Variants in CDK5RAP2 observed in about 807,000 individuals in gnomAD.
CDK5RAP2 encodes the protein CDK5 regulatory subunit-associated protein 2.
A neutral mutation model predicts 232.9 loss-of-function variants in CDK5RAP2; 147 were observed. The ratio of observed to expected loss-of-function variants is 0.63; its 90% CI spans 0.55 to 0.72. The LOEUF is 0.72. Among genes scored for constraint, CDK5RAP2 ranks in the 30% least tolerant of loss-of-function variants. The probability of loss-of-function intolerance (pLI) is 0.00; values close to 1 mark genes in which losing one functional copy is unlikely to be tolerated. For synonymous variants in CDK5RAP2, 833 were observed against 833.7 expected, an observed-to-expected ratio of 1.00 and a Z score of 0.01; for missense variants, 2,195 against 2,231.5, an observed-to-expected ratio of 0.98 and a Z score of 0.33.
intron 18 of CDK5RAP2, among the ~76,000 whole-genome samples, chr9:120,461,589 C>T (rs1327104829): frequency 6.6e-6 from 1 of 152,174 alleles, no homozygotes. Context: ...ACCTGTAATC[C>T]TAGCACTTTG....
chr9:120,465,874 A>G (rs1281633741), intron 18 of CDK5RAP2, among the ~76,000 whole-genome samples: 2 of 152,220 alleles, frequency 1.3e-5, no homozygotes, highest in Non-Finnish European at 2.9e-5. Context: ...CATAATGGCA[A>G]TTAGCAAGAA....
At chr9:120,448,233 C>T in intron 21 of CDK5RAP2, 107 bp from the exon 22 acceptor site, 1 of 939,550 alleles carries the variant, frequency 1.1e-6, no homozygotes, top group South Asian at 1.4e-5. Context: ...GAACTGGCTG[C>T]CCAGACTTCT....
At chr9:120,528,669 G>A in intron 9 of CDK5RAP2, 75 bp downstream of exon 9, 1 of 894,218 alleles carries the variant, frequency 1.1e-6, no homozygotes, top group Admixed American at 1.8e-5. Context: ...AGAATTATCT[G>A]CTGCACTCAG....
Position 120,550,788 on chromosome 9 carries a change from TCA to T in CDK5RAP2, c.306+2_306+3del. Reference sequence around the variant, plus strand: ...GGGACAGTAATGAGAAATGGGCCACTCACAGTTTTGTAGATATGTTCAGTGGG... The same window carrying T: ...GGGACAGTAATGAGAAATGGGCCACTCAGTTTTGTAGATATGTTCAGTGGG... On this transcript the variant is annotated splice_donor_variant and splice_donor_region_variant and intron_variant, in intron 4 of 37. Transcript: ENST00000349780. LOFTEE classifies it high-confidence loss of function. 4 of 1,529,904 alleles carry T rather than the reference TCA, an allele frequency of 2.6e-6. No homozygotes were observed. Among genetic ancestry groups the T allele is most frequent in the Non-Finnish European group, 3.6e-6 (4 of 1,103,006 alleles). The allele number at this position is 1,529,904 out of a possible 1,614,324, so 94.8% of individuals were successfully genotyped here.
intron 4 of CDK5RAP2, among the ~76,000 whole-genome samples, chr9:120,549,423 A>T (rs1316473230): frequency 6.6e-6 from 1 of 152,224 alleles, no homozygotes; most frequent in Non-Finnish European, 1.5e-5. Flanking sequence ...GCACCTATCC[A>T]AAAACTTACA....
intron 21 of CDK5RAP2, among the ~76,000 whole-genome samples, chr9:120,451,951 G>A (rs1323965976): frequency 6.7e-6 from 1 of 149,434 alleles, no homozygotes; most frequent in South Asian, 2.1e-4. Flanking sequence ...AAACAAATAC[G>A]GTTTCCTTCC....
chr9:120,407,442 C>T, intron 31 of CDK5RAP2, 194 bp from the exon 32 acceptor site: 1 of 605,302 alleles, frequency 1.7e-6, no homozygotes, highest in Non-Finnish European at 3.0e-6. Flanking sequence ...ATTCCACACG[C>T]TAAATAAGAG....
intron 8 of CDK5RAP2, among the ~76,000 whole-genome samples, chr9:120,529,302 A>G (rs1426322487): frequency 1.3e-5 from 2 of 152,234 alleles, no homozygotes; most frequent in Admixed American, 1.3e-4. Flanking sequence ...ACTAAGACCT[A>G]CCTGCACTTC....
chr9:120,549,731 A>C (rs2041982388), intron 4 of CDK5RAP2, among the ~76,000 whole-genome samples: 1 of 152,358 alleles, frequency 6.6e-6, no homozygotes. Flanking sequence ...TTCTAGACGC[A>C]TGACCACCAT....
chr9:120,493,796 C>A (rs1171690783), intron 12 of CDK5RAP2, among the ~76,000 whole-genome samples: 1 of 152,210 alleles, frequency 6.6e-6, no homozygotes, highest in African/African-American at 2.4e-5. Flanking sequence ...GAGGGAGAAC[C>A]TGCTTACTTA....
chr9:120,437,572 G>T, intron 24 of CDK5RAP2, 45 bp from the exon 25 acceptor site: 1 of 1,417,046 alleles, frequency 7.1e-7, no homozygotes, highest in South Asian at 1.1e-5. Flanking sequence ...TTTTAGAATT[G>T]AATTTTTGTG....
At chr9:120,488,506 C>T (rs1307342563) in intron 13 of CDK5RAP2, among the ~76,000 whole-genome samples, 1 of 152,206 alleles carries the variant, frequency 6.6e-6, no homozygotes, top group East Asian at 1.9e-4. Flanking sequence ...TCAAATCCCA[C>T]TCCCAGAGAA....
intron 12 of CDK5RAP2, chr9:120,517,963 C>T: frequency 4.6e-6 from 1 of 216,958 alleles, no homozygotes; most frequent in Non-Finnish European, 9.6e-6. Context: ...AGTCATAAGG[C>T]AAAAAAAAAG....
At position 120,448,046 on chromosome 9, in the gene CDK5RAP2, C is replaced by T; in HGVS notation, c.2874G>A (p.Gln958=). ...GGCTCTGCAGCTGCGTCACCACCTC[C>T]TGGGTGGCAGGGAGACGATACATAT... ...LGNMYRLPAT[Q]EVVTQLQSQI... The change falls in exon 22 of 38, where the codon CAG becomes CAA. Residue 958 remains glutamine (Q), a synonymous_variant. Coordinates refer to ENST00000349780, the MANE Select transcript of CDK5RAP2 (RefSeq NM_018249.6). The T allele has an allele frequency of 6.2e-7, 1 of 1,614,152 alleles. No homozygotes were observed. The highest frequency in any genetic ancestry group is 1.3e-5 in the African/African-American group (1 of 75,048).
intron 6 of CDK5RAP2, among the ~76,000 whole-genome samples, chr9:120,538,514 T>C (rs1277164127): frequency 6.6e-6 from 1 of 152,028 alleles, no homozygotes; most frequent in Non-Finnish European, 1.5e-5. Context: ...AGAAAAGACA[T>C]TCCATGAGCA....
intron 12 of CDK5RAP2, among the ~76,000 whole-genome samples, chr9:120,510,177 G>A (rs2040013527): frequency 6.6e-6 from 1 of 152,144 alleles, no homozygotes; most frequent in Non-Finnish European, 1.5e-5. Context: ...GTGAGAACTG[G>A]GAGGTTCAGG....
Position 120,403,229 on chromosome 9 carries a change from C to T in CDK5RAP2, c.5042-158G>A. 2 of 670,356 alleles carry T rather than the reference C, an allele frequency of 3.0e-6. No homozygotes were observed. Among genetic ancestry groups the T allele is most frequent in the Non-Finnish European group, 5.2e-6 (2 of 386,742 alleles). 41.5% of individuals were successfully genotyped at this position (670,356 alleles called of 1,614,324 possible). A position where few individuals can be genotyped will look rare whatever the true frequency, so the allele number is the denominator to read the frequency against. On this transcript the variant is annotated intron_variant, in intron 33 of 37. Coordinates refer to ENST00000349780, the MANE Select transcript of CDK5RAP2 (RefSeq NM_018249.6). This position sits in a 1 kb window ranked among gnomAD's most constrained non-coding sequence, Gnocchi z 4.2. ...AGGGGAAAAGAGGCACGCTCCTGGA[C>T]CTCTGTATATTACCCCACACTGGGC...
chr9:120,491,785 A>G lies in CDK5RAP2; in HGVS notation c.1312-308T>C, dbSNP rs538223892. 2.6e-5 allele frequency among the ~76,000 whole-genome samples: 4 copies of G among 152,338 alleles called. No homozygotes were observed. In the East Asian group the frequency reaches 7.7e-4, roughly 29 times the overall value. ...ATAAAGAGTACGGTATTTAAAAAAC[A>G]CACACCCACAATTATGAGTCAAAAC... is the stretch of plus-strand genomic sequence containing the variant. On this transcript the variant is annotated intron_variant, in intron 12 of 37. Transcript: ENST00000349780.
chr9:120,406,164 T>A (rs986295248), intron 32 of CDK5RAP2: 1 of 152,222 alleles, frequency 6.6e-6, no homozygotes, highest in Non-Finnish European at 1.5e-5. Flanking sequence ...ACTAGAGGTA[T>A]CCAAGTAAAA....
Sources: allele counts gnomAD v4.1 joint callset (sites outside exome capture counted in the v4.1 genomes callset), GRCh38; gene constraint gnomAD v4.1.1; non-coding constraint Gnocchi (gnomAD v3.1); transcripts MANE v1.5; gene names NCBI Gene and HGNC (gene_info 2026-07-23, HGNC 2026-07-21).